The following SEMA5B variants were observed in gnomAD, a reference collection of about 807,000 sequenced individuals.
The protein encoded by SEMA5B is semaphorin-5B.
Under a neutral mutation model 135.0 loss-of-function variants are expected in SEMA5B, and 66 were observed. The observed-to-expected ratio is 0.49, with a 90% CI of 0.40 to 0.60. SEMA5B has a LOEUF of 0.60. Ranked by LOEUF, SEMA5B falls within the 20% of genes least tolerant of loss-of-function variation. The pLI is 0.00. For synonymous variants in SEMA5B, 690 were observed against 639.5 expected (o/e 1.08, Z -1.19); for missense variants, 1,501 against 1,566.3 (o/e 0.96, Z 0.70).
intron 1 of SEMA5B, among the ~76,000 whole-genome samples, chr3:122,981,821 C>A (rs1183594036): frequency 6.6e-6 from 1 of 152,308 alleles, no homozygotes; most frequent in East Asian, 1.9e-4. Flanking sequence ...GGGTCTCATT[C>A]CAGAAACAGG....
At chr3:122,976,196 G>A (rs1941315200) in intron 1 of SEMA5B, 1 of 1,503,752 alleles carries the variant, frequency 6.7e-7, no homozygotes, top group East Asian at 2.5e-5. Flanking sequence ...TTCTCAAAAT[G>A]TGCTCCTAGG....
At chr3:122,983,451 C>T (rs1941592452) in intron 1 of SEMA5B, among the ~76,000 whole-genome samples, 1 of 151,292 alleles carries the variant, frequency 6.6e-6, no homozygotes, top group Non-Finnish European at 1.5e-5. Flanking sequence ...ATCCGCGGGG[C>T]GGGGACGGGG....
intron 5 of SEMA5B, 108 bp downstream of exon 5, chr3:122,939,317 G>T (rs1576350525): frequency 1.1e-6 from 1 of 885,070 alleles, no homozygotes; most frequent in Non-Finnish European, 1.9e-6. Flanking sequence ...AGTGGCTCCT[G>T]TTTTCAACTT....
chr3:122,915,804 C>G lies in SEMA5B; in HGVS notation c.1775G>C (p.Ser592Thr). 1.2e-6 allele frequency: 2 copies of G among 1,614,116 alleles called. No individual in the cohort carries two copies. Among genetic ancestry groups the G allele is most frequent in the Non-Finnish European group, 1.7e-6 (2 of 1,180,010 alleles). ...GGCGGTGATGTTCTGGGTCCAGAGG[C>G]TCATGTTGGAGCTGTCCTCGAGTGT... is the stretch of plus-strand genomic sequence containing the variant. Reference protein sequence around the residue: ...CSTLEDSSNMSLWTQNITACP... With the variant: ...CSTLEDSSNMTLWTQNITACP... The change falls in exon 13 of 23, where the codon AGC (serine) becomes ACC (threonine). Residue 592 changes from serine (S) to threonine (T), a missense_variant. Physicochemically the swap from Ser to Thr is moderately conservative, Grantham distance 58. This residue lies in a region of SEMA5B where 927 missense variants were observed against 881.6 expected (regional missense o/e 1.05). Coordinates refer to ENST00000357599, the MANE Select transcript of SEMA5B (RefSeq NM_001031702.4).
At chr3:122,933,294 T>C (rs920700121) in intron 5 of SEMA5B, among the ~76,000 whole-genome samples, 4 of 152,168 alleles carry the variant, frequency 2.6e-5, no homozygotes, top group Admixed American at 2.0e-4. Flanking sequence ...TTCAAATTCT[T>C]GCATGTCTGA....
At position 122,910,113 on chromosome 3, in the gene SEMA5B, C is replaced by G. The variant is rs1374732852; in HGVS notation, c.*30G>C. The G allele has an allele frequency of 6.2e-7, 1 of 1,607,896 alleles. No homozygotes were observed. The highest frequency in any genetic ancestry group is 1.7e-5 in the Admixed American group (1 of 59,648). On this transcript the variant is annotated 3_prime_UTR_variant, in exon 23 of 23. Transcript: ENST00000357599. ...CCATCTGCTCTGTGCCTTATGAAGG[C>G]AAGAAGCCCAAGTCCCCAGGACGGC... is the stretch of plus-strand genomic sequence containing the variant.
intron 2 of SEMA5B, among the ~76,000 whole-genome samples, chr3:122,953,496 T>C (rs1344231421): frequency 6.6e-6 from 1 of 152,182 alleles, no homozygotes; most frequent in Non-Finnish European, 1.5e-5. Flanking sequence ...TAGATTAATA[T>C]TACTGTGTCC....
chr3:122,998,945 C>T (rs758363114), intron 1 of SEMA5B, among the ~76,000 whole-genome samples: 10 of 152,200 alleles, frequency 6.6e-5, no homozygotes, highest in African/African-American at 9.7e-5. Flanking sequence ...ACAACTTCAG[C>T]AAGTCCAACC....
At chr3:122,920,121 G>A (rs1938274767) in intron 12 of SEMA5B, among the ~76,000 whole-genome samples, 1 of 152,168 alleles carries the variant, frequency 6.6e-6, no homozygotes, top group Non-Finnish European at 1.5e-5. Context: ...CACACAGCCC[G>A]TGACTGCACT....
rs1017131169 is a variant in SEMA5B at position 123,026,627 on chromosome 3, C to A, written c.-39+837G>T. On this transcript the variant is annotated intron_variant, in intron 1 of 22. Coordinates refer to ENST00000357599, the MANE Select transcript of SEMA5B (RefSeq NM_001031702.4). ...TTGGCTCCCGCCCCGCGCGGGTCCC[C>A]GATCCCCTCTCCCGTCTGCATCCCT... Among the ~76,000 whole-genome samples, 3 of 152,204 alleles carry A rather than the reference C, an allele frequency of 2.0e-5. No individual in the cohort carries two copies. The South Asian group carries it at 6.2e-4, about 31-fold the overall frequency.
At chr3:122,911,353 T>G in intron 21 of SEMA5B, 138 bp downstream of exon 21, 6 of 1,545,414 alleles carry the variant, frequency 3.9e-6, no homozygotes, top group Non-Finnish European at 4.4e-6. Flanking sequence ...CAGACCACCC[T>G]ACACACCATC....
chr3:122,981,396 C>T (rs567404129), intron 1 of SEMA5B, among the ~76,000 whole-genome samples: 10 of 152,384 alleles, frequency 6.6e-5, no homozygotes, highest in Non-Finnish European at 1.3e-4. Flanking sequence ...GACGTGACCC[C>T]AGCCTTGGTT....
intron 1 of SEMA5B, among the ~76,000 whole-genome samples, chr3:122,969,806 T>G (rs1356382678): frequency 2.0e-5 from 3 of 152,188 alleles, no homozygotes; most frequent in Non-Finnish European, 4.4e-5. Context: ...GCAGATAATC[T>G]GAGGTAGTGG....
chr3:123,020,054 T>C (rs989802173), intron 1 of SEMA5B, among the ~76,000 whole-genome samples: 6 of 152,220 alleles, frequency 3.9e-5, no homozygotes, highest in African/African-American at 1.4e-4. Context: ...ATGGTCCATG[T>C]GAAAAAGCAT....
chr3:123,002,644 T>C (rs1265151136), intron 1 of SEMA5B, among the ~76,000 whole-genome samples: 1 of 152,226 alleles, frequency 6.6e-6, no homozygotes, highest in Non-Finnish European at 1.5e-5. Flanking sequence ...CCAGCCAAAG[T>C]AGCCTCTTGA....
At position 122,910,752 on chromosome 3, in the gene SEMA5B, A is replaced by G. The variant is rs566129924; in HGVS notation, c.3297+88T>C. On this transcript the variant is annotated intron_variant, in intron 22 of 22. Coordinates refer to ENST00000357599, the MANE Select transcript of SEMA5B (RefSeq NM_001031702.4). ...GTGAACCCGGGAGGCAGAGCTTGCA[A>G]TGAGCCGAGATCCCACCACTGCACT... 2.9e-3 allele frequency: 3,081 copies of G among 1,079,158 alleles called. 9 individuals are homozygous for G. Among genetic ancestry groups the G allele is most frequent in the African/African-American group, 8.3e-3 (520 of 62,318 alleles). The allele number at this position is 1,079,158 out of a possible 1,614,324, so 66.8% of individuals were successfully genotyped here. A position where few individuals can be genotyped will look rare whatever the true frequency, so the allele number is the denominator to read the frequency against.
In SEMA5B at chr3:122,912,073, G is replaced by C; in HGVS notation, c.2897-4C>G. ...TCAGACCAGGGCGACCAGCCTTCTG[G>C]GGATTGTGGGTAGGATGAGGTTAAC... On this transcript the variant is annotated splice_region_variant and splice_polypyrimidine_tract_variant and intron_variant, in intron 19 of 22. Coordinates refer to ENST00000357599, the MANE Select transcript of SEMA5B (RefSeq NM_001031702.4). 6.2e-7 allele frequency: 1 copy of C among 1,608,006 alleles called. No homozygotes were observed. The highest frequency in any genetic ancestry group is 8.5e-7 in the Non-Finnish European group (1 of 1,175,400).
chr3:123,021,883 C>T (rs564097340), intron 1 of SEMA5B, among the ~76,000 whole-genome samples: 1 of 152,230 alleles, frequency 6.6e-6, no homozygotes, highest in African/African-American at 2.4e-5. Flanking sequence ...TGATATTTGG[C>T]TCAGGCTGAG....
At chr3:123,008,403 C>A (rs974569536) in intron 1 of SEMA5B, among the ~76,000 whole-genome samples, 1 of 152,166 alleles carries the variant, frequency 6.6e-6, no homozygotes, top group African/African-American at 2.4e-5. Context: ...CCTGTAGATG[C>A]ACAGTGGGTA....
Sources: gnomAD v4.1 joint callset for allele counts (sites outside exome capture counted in the v4.1 genomes callset) on GRCh38, gnomAD v4.1.1 for gene constraint, gnomAD v4.1.1 regional missense constraint, MANE v1.5 for transcripts, NCBI Gene and HGNC (gene_info 2026-07-23, HGNC 2026-07-21) for gene names.